PAX5: variants seen among roughly 807,000 people sequenced by gnomAD.
The protein encoded by PAX5 is paired box 5.
Under a neutral mutation model 43.7 loss-of-function variants are expected in PAX5, and 9 were observed. That is an observed-to-expected ratio of 0.21 (90% CI 0.12 to 0.36). The LOEUF (loss-of-function observed/expected upper bound fraction) is 0.36, where lower values mean the gene tolerates loss of function less well. Among genes scored for constraint, PAX5 ranks in the 10% least tolerant of loss-of-function variants. The probability of loss-of-function intolerance (pLI) is 1.00; values close to 1 mark genes in which losing one functional copy is unlikely to be tolerated. For missense variants in PAX5, 383 were observed against 532.7 expected, an observed-to-expected ratio of 0.72 and a Z score of 2.77; for synonymous variants, 228 against 214.3, an observed-to-expected ratio of 1.06 and a Z score of -0.56.
In PAX5 at chr9:37,033,852, C is replaced by T. The variant is rs535018869; in HGVS notation, c.46+134G>A. 2.0e-4 allele frequency: 142 copies of T among 712,014 alleles called. No homozygotes were observed. In the African/African-American group the frequency reaches 2.2e-3, roughly 11 times the overall value. 44.1% of individuals were successfully genotyped at this position (712,014 alleles called of 1,614,324 possible). On this transcript the variant is annotated intron_variant, in intron 1 of 9. Coordinates refer to ENST00000358127, the MANE Select transcript of PAX5 (RefSeq NM_016734.3). ...TGAACAGATAGGTGAAAAAACATAA[C>T]AAACACGCCGCAGTTAGACAGTCTC... is the stretch of plus-strand genomic sequence containing the variant.
chr9:36,965,022 C>A (rs1333412123), intron 6 of PAX5, among the ~76,000 whole-genome samples: 1 of 152,066 alleles, frequency 6.6e-6, no homozygotes, highest in Admixed American at 6.5e-5. Context: ...GGCCTTTGCA[C>A]TTGCTGTCCC....
intron 5 of PAX5, among the ~76,000 whole-genome samples, chr9:36,986,022 G>A (rs970350217): frequency 2.6e-5 from 4 of 151,972 alleles, no homozygotes; most frequent in Admixed American, 6.5e-5. Context: ...CATCCGAACC[G>A]GCCTCGCCCC....
intron 6 of PAX5, among the ~76,000 whole-genome samples, chr9:36,930,374 C>A (rs1051934610): frequency 5.9e-5 from 9 of 151,342 alleles, no homozygotes; most frequent in Admixed American, 4.6e-4. Context: ...CAGGCACACG[C>A]CACCACACCC....
chr9:36,964,163 C>T (rs1041809810), intron 6 of PAX5, among the ~76,000 whole-genome samples: 5 of 152,050 alleles, frequency 3.3e-5, no homozygotes. Flanking sequence ...TGCCTGTAGT[C>T]CGTCCTACTC....
chr9:36,990,011 G>A (rs1034282918), intron 5 of PAX5, among the ~76,000 whole-genome samples: 3 of 152,168 alleles, frequency 2.0e-5, no homozygotes, highest in Admixed American at 6.5e-5. Flanking sequence ...GGGGAGTTGG[G>A]TTGGAGGGGA....
At chr9:36,980,901 C>G (rs1835851494) in intron 5 of PAX5, among the ~76,000 whole-genome samples, 1 of 152,192 alleles carries the variant, frequency 6.6e-6, no homozygotes, top group African/African-American at 2.4e-5. Context: ...CCCCTCACAG[C>G]TTACTAGGCT....
At chr9:36,989,496 G>A (rs200583469) in intron 5 of PAX5, among the ~76,000 whole-genome samples, 2 of 143,708 alleles carry the variant, frequency 1.4e-5, no homozygotes, top group African/African-American at 5.1e-5. Context: ...TTAAAATCCA[G>A]AGTCAATACT....
Position 36,889,799 on chromosome 9 carries a change from C to T in PAX5, c.911-7694G>A, listed in dbSNP as rs115840567. ...CTTCTGAAGGAACTATGCTTCTCTT[C>T]GCATCAGCGTCTCAGAAAGCCCTTC... On this transcript the variant is annotated intron_variant, in intron 7 of 9. Coordinates refer to ENST00000358127, the MANE Select transcript of PAX5 (RefSeq NM_016734.3). Among the ~76,000 whole-genome samples the T allele has an allele frequency of 9.1e-3, 1,390 of 152,334 alleles. 21 individuals are homozygous for T. The highest frequency in any genetic ancestry group is 0.03 in the African/African-American group (1,239 of 41,564).
intron 8 of PAX5, among the ~76,000 whole-genome samples, chr9:36,864,778 T>C (rs1272634740): frequency 6.6e-6 from 1 of 152,252 alleles, no homozygotes. Context: ...AAGCTGTCAG[T>C]CTAGAGGTGC....
intron 5 of PAX5, among the ~76,000 whole-genome samples, chr9:36,993,060 C>T (rs1452605690): frequency 6.6e-6 from 1 of 152,208 alleles, no homozygotes; most frequent in Non-Finnish European, 1.5e-5. Flanking sequence ...GTCTTCTTCA[C>T]TCTCATTCTC....
intron 1 of PAX5, among the ~76,000 whole-genome samples, chr9:37,022,050 T>A (rs1396209470): frequency 1.3e-5 from 2 of 152,170 alleles, no homozygotes; most frequent in African/African-American, 4.8e-5. Flanking sequence ...ATGAACCTCA[T>A]CTGAAATAAA....
intron 3 of PAX5, among the ~76,000 whole-genome samples, chr9:37,011,722 C>G (rs1838944328): frequency 6.6e-6 from 1 of 152,114 alleles, no homozygotes; most frequent in Non-Finnish European, 1.5e-5. Flanking sequence ...CTAGGCTGGT[C>G]CCCTGGAAGG....
intron 7 of PAX5, among the ~76,000 whole-genome samples, chr9:36,921,382 G>A (rs572840441): frequency 5.9e-5 from 9 of 152,252 alleles, no homozygotes; most frequent in Middle Eastern, 6.8e-3. Context: ...ATGGAGAAAC[G>A]GAGGCTCAGA....
At chr9:36,904,344 C>G (rs577386902) in intron 7 of PAX5, among the ~76,000 whole-genome samples, 18 of 152,282 alleles carry the variant, frequency 1.2e-4, no homozygotes, top group African/African-American at 3.6e-4. Flanking sequence ...CTATCCTTAA[C>G]ATGGGCATGT....
chr9:36,870,145 T>C (rs1041733845), intron 8 of PAX5, among the ~76,000 whole-genome samples: 4 of 150,016 alleles, frequency 2.7e-5, no homozygotes, highest in African/African-American at 9.8e-5. Context: ...GATGGATGGA[T>C]GGATGGATGG....
chr9:36,908,140 A>C (rs183186522), intron 7 of PAX5, among the ~76,000 whole-genome samples: 45 of 151,758 alleles, frequency 3.0e-4, no homozygotes, highest in African/African-American at 1.1e-3. Flanking sequence ...ACAAGGGTAC[A>C]GTGAGCCATG....
chr9:36,984,338 A>C (rs1441137305), intron 5 of PAX5, among the ~76,000 whole-genome samples: 1 of 151,622 alleles, frequency 6.6e-6, no homozygotes, highest in African/African-American at 2.4e-5. Flanking sequence ...CTAGTAGAGC[A>C]GTTATATGCA....
chr9:36,986,809 T>C (rs544513193), intron 5 of PAX5, among the ~76,000 whole-genome samples: 249 of 152,270 alleles, frequency 1.6e-3, no homozygotes, highest in Non-Finnish European at 3.7e-4. Flanking sequence ...TGGACCTCCT[T>C]CAAAGATCTT....
chr9:37,034,039 T>A lies in PAX5; in HGVS notation c.-8A>T. On this transcript the variant is annotated 5_prime_UTR_variant, in exon 1 of 10. Transcript: ENST00000358127. ...ATTTTTCTCTAAATCCATTTTGATT[T>A]TTCAGGACTTGATGGAATGGACAGG... 6.3e-7 allele frequency: 1 copy of A among 1,597,636 alleles called. No individual in the cohort carries two copies.
Sources: gnomAD v4.1 joint callset for allele counts (sites outside exome capture counted in the v4.1 genomes callset) on GRCh38, gnomAD v4.1.1 for gene constraint, MANE v1.5 for transcripts, NCBI Gene and HGNC (gene_info 2026-07-23, HGNC 2026-07-21) for gene names.